NAA40: variants seen among roughly 807,000 people sequenced by gnomAD.
NAA40 encodes the protein N-alpha-acetyltransferase 40, NatD catalytic subunit.
Under a neutral mutation model 36.6 loss-of-function variants are expected in NAA40, and 26 were observed. The observed-to-expected ratio is 0.71, with a 90% CI of 0.52 to 0.98. The LOEUF (loss-of-function observed/expected upper bound fraction) is 0.98. Among genes scored for constraint, NAA40 ranks in the 50% least tolerant of loss-of-function variants. The pLI, the probability that NAA40 is intolerant of heterozygous loss-of-function variation, is 0.00. For missense variants in NAA40, 237 were observed against 306.5 expected (o/e 0.77, Z 1.69); for synonymous variants, 129 against 108.4 (o/e 1.19, Z -1.18).
chr11:63,944,982 G>A (rs1387912429), intron 1 of NAA40, among the ~76,000 whole-genome samples: 1 of 152,102 alleles, frequency 6.6e-6, no homozygotes, highest in Non-Finnish European at 1.5e-5. Flanking sequence ...CTTGCCGTGT[G>A]TTACCTGGCT....
At chr11:63,946,637 C>T in intron 2 of NAA40, 2 of 1,348,584 alleles carry the variant, frequency 1.5e-6, no homozygotes, top group Non-Finnish European at 1.9e-6. Context: ...CAGTGTGCAG[C>T]AGATCAGGTA....
intron 5 of NAA40, 44 bp downstream of exon 5, chr11:63,952,609 C>T (rs745904098): frequency 1.1e-5 from 18 of 1,609,128 alleles, no homozygotes; most frequent in African/African-American, 2.7e-5. Context: ...GAGACCCTGG[C>T]GATGTTCCAG....
intron 2 of NAA40, 129 bp downstream of exon 2, chr11:63,946,064 T>C (rs1942181494): frequency 2.5e-6 from 2 of 797,676 alleles, no homozygotes; most frequent in Middle Eastern, 3.5e-4. Flanking sequence ...GCCTCCTTGC[T>C]GTGCAGGGAA....
rs140498456 is a variant in NAA40 at position 63,952,485 on chromosome 11, C to T, written c.330C>T (p.Ile110=). ...CAGATGACCGAGCCTGGTACCTCATCGCGTGGGAAAACAGCTCCGTCCCTG... is the reference window on the plus strand; with the variant it reads ...CAGATGACCGAGCCTGGTACCTCATTGCGTGGGAAAACAGCTCCGTCCCTG... ...EMTDDRAWYL[I]AWENSSVPVA... is the part of the protein sequence containing the mutation. Residue 110 remains isoleucine, a synonymous_variant, in exon 5 of 8, where the codon ATC becomes ATT. Transcript: ENST00000377793. The T allele has an allele frequency of 8.1e-6, 13 of 1,614,038 alleles. No homozygotes were observed. The highest frequency in any genetic ancestry group is 2.2e-5 in the South Asian group (2 of 91,090).
At chr11:63,949,060 C>T (rs9888136) in intron 3 of NAA40, among the ~76,000 whole-genome samples, 7,364 of 152,126 alleles carry the variant, frequency 0.048, 603 homozygotes, top group African/African-American at 0.17. Flanking sequence ...GTGGCACATG[C>T]CTGTATTCCC....
chr11:63,939,609 G>A (rs1942073450), intron 1 of NAA40: 1 of 474,480 alleles, frequency 2.1e-6, no homozygotes, highest in Non-Finnish European at 2.7e-6. Context: ...CGTTACTCGA[G>A]TCTCAGCGAA....
At chr11:63,940,558 A>T (rs1217073672) in intron 1 of NAA40, among the ~76,000 whole-genome samples, 2 of 152,186 alleles carry the variant, frequency 1.3e-5, no homozygotes, top group African/African-American at 4.8e-5. Flanking sequence ...GAGATAATGG[A>T]TGTAGATTGC....
intron 2 of NAA40, chr11:63,946,561 A>G (rs1942190239): frequency 5.9e-6 from 7 of 1,192,574 alleles, no homozygotes; most frequent in Non-Finnish European, 7.4e-6. Flanking sequence ...CTCATAGTAA[A>G]CACTCATTTA....
chr11:63,949,489 C>G (rs1942241714), intron 3 of NAA40, among the ~76,000 whole-genome samples: 1 of 151,980 alleles, frequency 6.6e-6, no homozygotes, highest in Non-Finnish European at 1.5e-5. Flanking sequence ...ACTATAGGCT[C>G]TGGAGTGAAG....
chr11:63,952,412 A>G lies in NAA40; in HGVS notation c.257A>G (p.Glu86Gly). The change falls in exon 5 of 8, where the codon GAG becomes GGG. Residue 86 changes from glutamate (E) to glycine (G), a missense_variant. Physicochemically the swap from Glu to Gly is moderately conservative, Grantham distance 98. Transcript: ENST00000377793. ...LTKTNMQTMY[E>G]QSEWGWKDRE... ...ACTGCTCCCAAATTCCCCAGGTATG[A>G]GCAGAGCGAGTGGGGCTGGAAGGAC... 7 of 1,614,180 alleles carry G rather than the reference A, an allele frequency of 4.3e-6. No individual in the cohort carries two copies. The highest frequency in any genetic ancestry group is 5.9e-6 in the Non-Finnish European group (7 of 1,180,032).
In NAA40 at chr11:63,953,356, T is replaced by G. The variant is rs116445296; in HGVS notation, c.494+517T>G. ...CACCACACCTGGCCAGTGAGCATCTTTTGAGTTTCTAATCTCTGCCACCTT... is the reference window on the plus strand; with the variant it reads ...CACCACACCTGGCCAGTGAGCATCTGTTGAGTTTCTAATCTCTGCCACCTT... On this transcript the variant is annotated intron_variant, in intron 6 of 7. Transcript: ENST00000377793. Among the ~76,000 whole-genome samples the G allele has an allele frequency of 5.6e-3, 851 of 152,222 alleles. 9 individuals are homozygous for G. Among genetic ancestry groups the G allele is most frequent in the African/African-American group, 0.019 (797 of 41,536 alleles).
rs189026016 is a variant in NAA40, at chr11:63,940,992, C to T, written c.6+1890C>T. 3.7e-3 allele frequency among the ~76,000 whole-genome samples: 571 copies of T among 152,298 alleles called. 6 individuals are homozygous for T. The highest frequency in any genetic ancestry group is 0.013 in the African/African-American group (522 of 41,556). ...GCAGAAAACAAGAAGTGTAACATGC[C>T]GTTCTAGTTCAACACTTCCTCGTTG... is the stretch of plus-strand genomic sequence containing the variant. On this transcript the variant is annotated intron_variant, in intron 1 of 7. Coordinates refer to ENST00000377793, the MANE Select transcript of NAA40 (RefSeq NM_024771.4).
Position 63,939,013 on chromosome 11 carries a change from TGCC to T in NAA40, c.-78_-76del, listed in dbSNP as rs1474423327. Reference sequence around the variant, plus strand: ...CGCGTTGCAGGGCCGTCCGCTCTGCTGCCGCCGCTGTTGCAGCCACCGCCGTTG... The same window carrying T: ...CGCGTTGCAGGGCCGTCCGCTCTGCTGCCGCTGTTGCAGCCACCGCCGTTG... On this transcript the variant is annotated 5_prime_UTR_variant, in exon 1 of 8. Coordinates refer to ENST00000377793, the MANE Select transcript of NAA40 (RefSeq NM_024771.4). 4.8e-5 allele frequency: 65 copies of T among 1,361,818 alleles called. No homozygotes were observed. The highest frequency in any genetic ancestry group is 5.6e-5 in the Non-Finnish European group (55 of 981,596). 84.4% of individuals were successfully genotyped at this position (1,361,818 alleles called of 1,614,324 possible). A position where few individuals can be genotyped will look rare whatever the true frequency, so the allele number is the denominator to read the frequency against.
Position 63,939,036 on chromosome 11 carries a change from C to G in NAA40, c.-61C>G, listed in dbSNP as rs1315628553. ...GCTGCCGCCGCTGTTGCAGCCACCG[C>G]CGTTGCCGCCTCCCTGCCGGCAAGT... On this transcript the variant is annotated 5_prime_UTR_variant, in exon 1 of 8. Coordinates refer to ENST00000377793, the MANE Select transcript of NAA40 (RefSeq NM_024771.4). The G allele has an allele frequency of 1.9e-5, 31 of 1,594,646 alleles. No homozygotes were observed. Among genetic ancestry groups the G allele is most frequent in the Non-Finnish European group, 2.5e-5 (29 of 1,170,528 alleles).
chr11:63,942,134 G>A (rs961045709), intron 1 of NAA40, among the ~76,000 whole-genome samples: 2 of 152,172 alleles, frequency 1.3e-5, no homozygotes, highest in Non-Finnish European at 2.9e-5. Context: ...AACATAGCCA[G>A]ATAAAGCGGA....
chr11:63,945,103 C>G (rs1942166024), intron 1 of NAA40, among the ~76,000 whole-genome samples: 1 of 152,118 alleles, frequency 6.6e-6, no homozygotes, highest in Non-Finnish European at 1.5e-5. Context: ...TGCTCTATGC[C>G]AGGAGAATCC....
chr11:63,946,286 A>C (rs1590753009), intron 2 of NAA40: 1 of 262,730 alleles, frequency 3.8e-6, no homozygotes, highest in South Asian at 5.0e-5. Flanking sequence ...GCTCACTTCA[A>C]CCTTGCAGCC....
rs759675930 is a variant in NAA40, at chr11:63,956,421, C to G, written c.*1942C>G. ...GGACCAAAAGGGACCCCCCCGTGTT[C>G]ATCCCTTGTAAGGTGAGTTCAGTCT... On this transcript the variant is annotated 3_prime_UTR_variant, in exon 8 of 8. Coordinates refer to ENST00000377793, the MANE Select transcript of NAA40 (RefSeq NM_024771.4). 6.6e-6 allele frequency: 1 copy of G among 152,370 alleles called. No individual in the cohort carries two copies. Among genetic ancestry groups the G allele is most frequent in the Non-Finnish European group, 1.5e-5 (1 of 68,042 alleles). 9.4% of individuals were successfully genotyped at this position (152,370 alleles called of 1,614,324 possible). A position where few individuals can be genotyped will look rare whatever the true frequency, so the allele number is the denominator to read the frequency against.
At chr11:63,943,808 G>GA (rs962819323) in intron 1 of NAA40, among the ~76,000 whole-genome samples, 6 of 150,380 alleles carry the variant, frequency 4.0e-5, no homozygotes, top group African/African-American at 9.8e-5. Flanking sequence ...AAAAAATAAA[G>GA]AAAAAAAAAG....
Sources: gnomAD v4.1 joint callset for allele counts (sites outside exome capture counted in the v4.1 genomes callset) on GRCh38, gnomAD v4.1.1 for gene constraint, MANE v1.5 for transcripts, NCBI Gene and HGNC (gene_info 2026-07-23, HGNC 2026-07-21) for gene names.